SLC38A8: variants seen among roughly 807,000 people sequenced by gnomAD.
SLC38A8 encodes the protein solute carrier family 38 member 8.
In SLC38A8, 65 loss-of-function variants were observed where a neutral mutation model predicts 46.0. The observed-to-expected ratio is 1.41, with a 90% CI of 1.16 to 1.74. The LOEUF is 1.74. Among genes scored for constraint, SLC38A8 ranks in the 40% most tolerant of loss-of-function variants. The pLI is 0.00. For missense variants in SLC38A8, 998 were observed against 567.9 expected (o/e 1.76, Z -7.70); for synonymous variants, 447 against 243.7 (o/e 1.83, Z -7.77).
In SLC38A8 at chr16:84,036,892, C is replaced by A. The variant is rs756201372; in HGVS notation, c.198G>T (p.Leu66Phe). ...TGACCAGCCCGCTGATCAGGAAGAC[C>A]AACGAGACCTGCGGAGAAGGAGCAG... ...VPAFLVELVS[L>F]VFLISGLVIL... is the part of the protein sequence containing the mutation. The change falls in exon 3 of 11, where the codon TTG becomes TTT. Residue 66 changes from leucine to phenylalanine, a missense_variant. Leu to Phe is a conservative substitution (Grantham distance 22, BLOSUM62 0). Transcript: ENST00000299709. 1 of 1,611,876 alleles carries A rather than the reference C, an allele frequency of 6.2e-7. No individual in the cohort carries two copies. The highest frequency in any genetic ancestry group is 2.2e-5 in the East Asian group (1 of 44,842).
intron 9 of SLC38A8, among the ~76,000 whole-genome samples, chr16:84,014,468 G>A (rs1432400627): frequency 6.6e-6 from 1 of 151,664 alleles, no homozygotes. Context: ...AGAGTCGAGG[G>A]AGGAGCTGTA....
chr16:84,021,558 A>C (rs950456829), intron 7 of SLC38A8, among the ~76,000 whole-genome samples: 4 of 152,166 alleles, frequency 2.6e-5, no homozygotes, highest in Non-Finnish European at 5.9e-5. Flanking sequence ...GTATCTAAGA[A>C]GTTCCAAATG....
At chr16:84,024,500 G>A (rs916973919) in intron 6 of SLC38A8, among the ~76,000 whole-genome samples, 1 of 152,050 alleles carries the variant, frequency 6.6e-6, no homozygotes, top group Non-Finnish European at 1.5e-5. Context: ...TTTAAACGCA[G>A]GAGGGAGCGG....
At chr16:84,023,720 T>G (rs561173962) in intron 6 of SLC38A8, among the ~76,000 whole-genome samples, 5 of 152,154 alleles carry the variant, frequency 3.3e-5, no homozygotes, top group Non-Finnish European at 4.4e-5. Context: ...ATGGCAAAAT[T>G]CCATCTCTAC....
intron 6 of SLC38A8, among the ~76,000 whole-genome samples, chr16:84,025,080 C>A (rs561566607): frequency 6.6e-6 from 1 of 152,162 alleles, no homozygotes; most frequent in Non-Finnish European, 1.5e-5. Flanking sequence ...TGGTGATTCA[C>A]GAACAGCCAA....
chr16:84,013,180 G>A, intron 9 of SLC38A8, 128 bp from the exon 10 acceptor site: 1 of 997,500 alleles, frequency 1.0e-6, no homozygotes. Context: ...CCCTGGCTCA[G>A]GCCCCCTGGA....
At chr16:84,015,610 G>A (rs563056658) in intron 9 of SLC38A8, among the ~76,000 whole-genome samples, 1 of 152,148 alleles carries the variant, frequency 6.6e-6, no homozygotes, top group African/African-American at 2.4e-5. Flanking sequence ...CGCATCTATG[G>A]AATGGGATCA....
chr16:84,017,532 G>C (rs961153033), intron 7 of SLC38A8, among the ~76,000 whole-genome samples: 1 of 152,182 alleles, frequency 6.6e-6, no homozygotes, highest in Non-Finnish European at 1.5e-5. Context: ...CACAGAGCTG[G>C]TGCACGGAGC....
At chr16:84,041,892 G>T in intron 2 of SLC38A8, 77 bp downstream of exon 2, 1 of 1,321,260 alleles carries the variant, frequency 7.6e-7, no homozygotes, top group Non-Finnish European at 1.0e-6. Flanking sequence ...CTCCGCAGAA[G>T]CAATGCGAGG....
chr16:84,016,979 T>A (rs1026757472), intron 8 of SLC38A8, among the ~76,000 whole-genome samples, 161 bp downstream of exon 8: 2 of 152,154 alleles, frequency 1.3e-5, no homozygotes, highest in African/African-American at 4.8e-5. Context: ...ACGGAGTGAC[T>A]TTGGGCAATC....
At chr16:84,012,937 C>G in intron 10 of SLC38A8, 64 bp downstream of exon 10, 1 of 1,570,762 alleles carries the variant, frequency 6.4e-7, no homozygotes, top group Non-Finnish European at 8.7e-7. Context: ...GCAGGGTCCC[C>G]TGAAACATTC....
chr16:84,013,151 G>T (rs1468449274), intron 9 of SLC38A8, 99 bp from the exon 10 acceptor site: 2 of 1,405,296 alleles, frequency 1.4e-6, no homozygotes, highest in Non-Finnish European at 2.0e-6. Flanking sequence ...AGGCCAGCAA[G>T]GCCTCCGCCC....
At chr16:84,021,366 G>A (rs538353166) in intron 7 of SLC38A8, among the ~76,000 whole-genome samples, 72 of 152,312 alleles carry the variant, frequency 4.7e-4, no homozygotes, top group Admixed American at 1.7e-3. Context: ...CACCCGGCCA[G>A]TTCATCCCTT....
At chr16:84,020,076 C>T (rs971566976) in intron 7 of SLC38A8, among the ~76,000 whole-genome samples, 3 of 152,190 alleles carry the variant, frequency 2.0e-5, no homozygotes, top group Non-Finnish European at 2.9e-5. Flanking sequence ...CTCATGACTC[C>T]ACTAGGCATT....
intron 6 of SLC38A8, among the ~76,000 whole-genome samples, chr16:84,027,064 A>G (rs942025212): frequency 1.3e-5 from 2 of 152,196 alleles, no homozygotes; most frequent in East Asian, 1.9e-4. Context: ...TAAAACCACA[A>G]AAACCAGCCA....
At chr16:84,038,228 T>C (rs2085324060) in intron 2 of SLC38A8, among the ~76,000 whole-genome samples, 1 of 151,960 alleles carries the variant, frequency 6.6e-6, no homozygotes, top group Non-Finnish European at 1.5e-5. Context: ...GGAGAATCAC[T>C]TGAACCCAAG....
chr16:84,031,950 A>C lies in SLC38A8; in HGVS notation c.549T>G (p.Ala183=). The C allele has an allele frequency of 6.2e-7, 1 of 1,614,232 alleles. No homozygotes were observed. Among genetic ancestry groups the C allele is most frequent in the Non-Finnish European group, 8.5e-7 (1 of 1,180,044 alleles). ...QKYTSILGTL[A]ACYLALVITV... is the part of the protein sequence containing the mutation. ...TGATGACCAGGGCCAGGTAACAGGC[A>C]GCCAGAGTGCCTAGGATGCTAACAC... The change falls in exon 5 of 11, where the codon GCT becomes GCG. Residue 183 remains alanine, a synonymous_variant. Coordinates refer to ENST00000299709, the MANE Select transcript of SLC38A8 (RefSeq NM_001080442.3).
At chr16:84,016,103 C>T (rs1483669543) in intron 9 of SLC38A8, among the ~76,000 whole-genome samples, 4 of 140,170 alleles carry the variant, frequency 2.9e-5, no homozygotes, top group African/African-American at 1.1e-4. Context: ...TGGTGGCAGG[C>T]AGGCAAGAGA....
chr16:84,033,275 CACAA>C (rs2085265722), intron 4 of SLC38A8, 49 bp downstream of exon 4: 1 of 1,612,570 alleles, frequency 6.2e-7, no homozygotes, highest in African/African-American at 1.3e-5. Flanking sequence ...GAAACCCTGA[CACAA>C]ACACTCAGCA....
Sources: allele counts gnomAD v4.1 joint callset (sites outside exome capture counted in the v4.1 genomes callset), GRCh38; gene constraint gnomAD v4.1.1; transcripts MANE v1.5; gene names NCBI Gene and HGNC (gene_info 2026-07-23, HGNC 2026-07-21).